ARHGAP24: variants seen among roughly 807,000 people sequenced by gnomAD.
The protein encoded by ARHGAP24 is Rho GTPase activating protein 24.
Under a neutral mutation model 76.4 loss-of-function variants are expected in ARHGAP24, and 50 were observed. The ratio of observed to expected loss-of-function variants is 0.65; its 90% confidence interval spans 0.52 to 0.83. ARHGAP24 has a LOEUF of 0.83. Among genes scored for constraint, ARHGAP24 ranks in the 40% least tolerant of loss-of-function variants. The pLI is 0.00. For missense variants in ARHGAP24, 930 were observed against 914.2 expected (o/e 1.02, Z -0.22); for synonymous variants, 345 against 323.3 (o/e 1.07, Z -0.72).
chr4:85,807,048 C>T (rs1421841345), intron 3 of ARHGAP24, among the ~76,000 whole-genome samples: 1 of 152,188 alleles, frequency 6.6e-6, no homozygotes, highest in African/African-American at 2.4e-5. Context: ...GTCTTCAAGT[C>T]AGAGAGCATT....
chr4:85,961,881 T>C (rs1738279288), intron 5 of ARHGAP24, among the ~76,000 whole-genome samples: 1 of 152,084 alleles, frequency 6.6e-6, no homozygotes, highest in Non-Finnish European at 1.5e-5. Flanking sequence ...TTACATAATC[T>C]AAAGTCTCTC....
chr4:85,638,943 G>C (rs963349890), intron 2 of ARHGAP24, among the ~76,000 whole-genome samples: 6 of 152,130 alleles, frequency 3.9e-5, no homozygotes, highest in African/African-American at 1.4e-4. Flanking sequence ...CTAACTTTCA[G>C]AATCTTATTA....
At chr4:85,556,549 A>G (rs1726379312) in intron 1 of ARHGAP24, among the ~76,000 whole-genome samples, 1 of 152,178 alleles carries the variant, frequency 6.6e-6, no homozygotes, top group South Asian at 2.1e-4. Flanking sequence ...AATGTCATAC[A>G]TGCTCTGGGT....
At chr4:85,521,193 T>C (rs1433138083) in intron 1 of ARHGAP24, among the ~76,000 whole-genome samples, 4 of 152,152 alleles carry the variant, frequency 2.6e-5, no homozygotes, top group Non-Finnish European at 2.9e-5. Flanking sequence ...ACACTGACTC[T>C]TGAAATAGCA....
At chr4:85,499,410 A>C (rs1177104400) in intron 1 of ARHGAP24, among the ~76,000 whole-genome samples, 1 of 152,226 alleles carries the variant, frequency 6.6e-6, no homozygotes, top group Non-Finnish European at 1.5e-5. Context: ...AAGCATTCAC[A>C]TGGCTTTAAG....
intron 3 of ARHGAP24, among the ~76,000 whole-genome samples, chr4:85,918,081 T>C (rs1286130223): frequency 1.3e-5 from 2 of 152,088 alleles, no homozygotes; most frequent in Non-Finnish European, 2.9e-5. Flanking sequence ...ACATTTATTA[T>C]AAAATGATGC....
intron 1 of ARHGAP24, among the ~76,000 whole-genome samples, chr4:85,568,404 G>A (rs1369486720): frequency 6.6e-6 from 1 of 152,118 alleles, no homozygotes; most frequent in Admixed American, 6.5e-5. Flanking sequence ...GAATAAATAG[G>A]CAGTGATGAA....
At chr4:85,693,777 C>T (rs1214287297) in intron 2 of ARHGAP24, among the ~76,000 whole-genome samples, 1 of 152,202 alleles carries the variant, frequency 6.6e-6, no homozygotes, top group African/African-American at 2.4e-5. Flanking sequence ...TGGCATCTAG[C>T]TGGGGCTAGA....
Position 85,902,354 on chromosome 4 carries a change from ACTGTATTTT to A in ARHGAP24, c.269-21291_269-21283del, listed in dbSNP as rs1734545513. Among the ~76,000 whole-genome samples the A allele has an allele frequency of 2.0e-5, 3 of 152,272 alleles. No homozygotes were observed. The South Asian group carries it at 6.2e-4, about 32-fold the overall frequency. On this transcript the variant is annotated intron_variant, in intron 3 of 9. Transcript: ENST00000395184. ...GCCTACAGATCTATGGCATTTAGAG[ACTGTATTTT>A]CTTTCCCAAGAAGTTTGTTTCCAAA...
At chr4:85,883,054 C>A (rs768709340) in intron 3 of ARHGAP24, among the ~76,000 whole-genome samples, 27 of 152,032 alleles carry the variant, frequency 1.8e-4, no homozygotes, top group Non-Finnish European at 3.4e-4. Flanking sequence ...TGGTGTGGGT[C>A]AAGCAAATCA....
intron 2 of ARHGAP24, among the ~76,000 whole-genome samples, chr4:85,674,024 A>G (rs189246520): frequency 2.0e-5 from 3 of 152,270 alleles, no homozygotes; most frequent in Admixed American, 2.0e-4. Flanking sequence ...ATGATGTCTT[A>G]CACTAGCCTG....
intron 8 of ARHGAP24, among the ~76,000 whole-genome samples, chr4:85,993,154 A>G (rs903112672): frequency 5.9e-5 from 9 of 152,146 alleles, no homozygotes; most frequent in Non-Finnish European, 1.2e-4. Context: ...TCAAAGTGTA[A>G]TGCACCCAGG....
chr4:85,964,893 G>A (rs992427015), intron 5 of ARHGAP24, among the ~76,000 whole-genome samples: 1 of 151,870 alleles, frequency 6.6e-6, no homozygotes, highest in Admixed American at 6.6e-5. Context: ...ACATGCATGC[G>A]CTTGCACATA....
At chr4:85,834,978 T>TA (rs2110140042) in intron 3 of ARHGAP24, among the ~76,000 whole-genome samples, 1 of 152,286 alleles carries the variant, frequency 6.6e-6, no homozygotes, top group East Asian at 1.9e-4. Flanking sequence ...AGTATCAGAA[T>TA]AAAAAAACTT....
chr4:85,513,798 C>T (rs1034639656), intron 1 of ARHGAP24, among the ~76,000 whole-genome samples: 1 of 151,926 alleles, frequency 6.6e-6, no homozygotes, highest in Non-Finnish European at 1.5e-5. Context: ...TTTCTTTTTC[C>T]CTTGTGATGA....
chr4:85,890,662 T>C (rs1733836815), intron 3 of ARHGAP24, among the ~76,000 whole-genome samples: 1 of 152,148 alleles, frequency 6.6e-6, no homozygotes, highest in African/African-American at 2.4e-5. Flanking sequence ...GCAGCTAGAA[T>C]AGCCTATCTA....
intron 1 of ARHGAP24, among the ~76,000 whole-genome samples, chr4:85,478,440 G>T (rs1722686949): frequency 6.6e-6 from 1 of 152,170 alleles, no homozygotes; most frequent in Admixed American, 6.6e-5. Context: ...ATTTGGAAGT[G>T]GAGGGATTAT....
chr4:85,732,471 T>C (rs1463727699), intron 3 of ARHGAP24, among the ~76,000 whole-genome samples: 2 of 152,164 alleles, frequency 1.3e-5, no homozygotes, highest in Non-Finnish European at 2.9e-5. Context: ...CTTTTTCTTT[T>C]CTTTTTTAAT....
At chr4:85,509,004 A>G (rs890647637) in intron 1 of ARHGAP24, among the ~76,000 whole-genome samples, 12 of 151,866 alleles carry the variant, frequency 7.9e-5, no homozygotes, top group African/African-American at 2.9e-4. Flanking sequence ...ATAAACTATC[A>G]CTGCATTGTC....
Sources: allele counts gnomAD v4.1 joint callset (sites outside exome capture counted in the v4.1 genomes callset), GRCh38; gene constraint gnomAD v4.1.1; transcripts MANE v1.5; gene names NCBI Gene and HGNC (gene_info 2026-07-23, HGNC 2026-07-21).